Variants in CSMD1 observed in about 807,000 individuals in gnomAD.
The protein encoded by CSMD1 is CUB and Sushi multiple domains 1.
CSMD1 carries 213 observed loss-of-function variants against 417.5 expected under a neutral mutation model. That is an observed-to-expected ratio of 0.51 (90% confidence interval 0.46 to 0.57). CSMD1 has a LOEUF of 0.57. CSMD1 is among the 20% of genes least tolerant of loss of function. The pLI is 0.00. For missense variants in CSMD1, 6,923 were observed against 4,529.7 expected, an observed-to-expected ratio of 1.53 and a Z score of -15.17; for synonymous variants, 2,862 against 1,736.8, an observed-to-expected ratio of 1.65 and a Z score of -16.11.
At chr8:3,779,736 A>G (rs1405818424) in intron 5 of CSMD1, among the ~76,000 whole-genome samples, 5 of 152,246 alleles carry the variant, frequency 3.3e-5, no homozygotes, top group Admixed American at 2.6e-4. Flanking sequence ...ACATAAAATT[A>G]TATTTAAGTT....
At chr8:3,556,424 C>G (rs1469784174) in intron 10 of CSMD1, among the ~76,000 whole-genome samples, 1 of 84,728 alleles carries the variant, frequency 1.2e-5, no homozygotes, top group African/African-American at 4.2e-5. Flanking sequence ...TTCACACACA[C>G]AAAGAATTTA....
intron 27 of CSMD1, among the ~76,000 whole-genome samples, chr8:3,225,844 G>C (rs1298637407): frequency 1.3e-5 from 2 of 152,088 alleles, no homozygotes; most frequent in African/African-American, 2.4e-5. Flanking sequence ...GTTTTAATTA[G>C]CTTGCAAAAT....
intron 3 of CSMD1, among the ~76,000 whole-genome samples, chr8:4,077,377 T>C (rs1434869787): frequency 4.0e-5 from 6 of 148,746 alleles, no homozygotes; most frequent in African/African-American, 1.5e-4. Context: ...TATCTTTTAA[T>C]GGTTCCTCAG....
chr8:3,007,920 A>G (rs1808075915), intron 52 of CSMD1, among the ~76,000 whole-genome samples: 1 of 152,124 alleles, frequency 6.6e-6, no homozygotes, highest in Admixed American at 6.5e-5. Context: ...TTAAAGTATA[A>G]TAATAAAAGA....
chr8:4,893,783 C>A (rs1429314949), intron 1 of CSMD1, among the ~76,000 whole-genome samples: 1 of 152,104 alleles, frequency 6.6e-6, no homozygotes, highest in Non-Finnish European at 1.5e-5. Context: ...GCCAATGTCA[C>A]ATTGTTCAGA....
At chr8:4,915,892 G>A (rs1806032845) in intron 1 of CSMD1, among the ~76,000 whole-genome samples, 1 of 152,184 alleles carries the variant, frequency 6.6e-6, no homozygotes, top group Admixed American at 6.5e-5. Flanking sequence ...AGCCATAAGT[G>A]CCAGGCAGGA....
chr8:3,548,834 T>C (rs1172993436), intron 10 of CSMD1, among the ~76,000 whole-genome samples: 1 of 152,116 alleles, frequency 6.6e-6, no homozygotes. Flanking sequence ...CCACCCTTGC[T>C]AGGAGGGCAG....
intron 20 of CSMD1, 143 bp from the exon 21 acceptor site, chr8:3,359,483 G>C: frequency 1.6e-6 from 1 of 615,234 alleles, no homozygotes. Context: ...TAACTGTTAC[G>C]TGCATTTTTT....
intron 1 of CSMD1, among the ~76,000 whole-genome samples, chr8:4,770,703 C>T (rs1394696484): frequency 6.9e-6 from 1 of 143,976 alleles, no homozygotes; most frequent in Non-Finnish European, 1.5e-5. Context: ...AAAAAGGATA[C>T]AATGGGGAAA....
intron 36 of CSMD1, chr8:3,182,844 GTGTGTGTGTGTGTGTGT>G (rs1821467598): frequency 7.5e-5 from 5 of 66,432 alleles, no homozygotes; most frequent in Admixed American, 3.2e-4. Context: ...ATAAGAAGGT[GTGTGTGTGTGTGTGTGT>G]GTGTGTGTGT....
chr8:3,710,851 C>G (rs527414098), intron 6 of CSMD1, among the ~76,000 whole-genome samples: 3 of 152,166 alleles, frequency 2.0e-5, no homozygotes, highest in East Asian at 1.9e-4. Context: ...TCTTCCAGCC[C>G]CAAACTCCAA....
At chr8:3,848,145 G>T (rs113051954) in intron 5 of CSMD1, among the ~76,000 whole-genome samples, 15 of 151,998 alleles carry the variant, frequency 9.9e-5, no homozygotes, top group African/African-American at 1.9e-4. Flanking sequence ...TGTGACTGCT[G>T]TATGTGGTGG....
intron 48 of CSMD1, among the ~76,000 whole-genome samples, chr8:3,091,044 G>C (rs539059412): frequency 1.3e-5 from 2 of 151,840 alleles, no homozygotes; most frequent in South Asian, 2.1e-4. Flanking sequence ...TTATGTATAT[G>C]GTTATTTGTA....
At chr8:3,830,776 G>T (rs191416862) in intron 5 of CSMD1, among the ~76,000 whole-genome samples, 10 of 152,232 alleles carry the variant, frequency 6.6e-5, no homozygotes, top group African/African-American at 2.4e-4. Flanking sequence ...AAGATGAATG[G>T]ATATGCACGC....
chr8:4,551,606 C>G (rs1044833981), intron 2 of CSMD1, among the ~76,000 whole-genome samples: 1 of 152,158 alleles, frequency 6.6e-6, no homozygotes, highest in Non-Finnish European at 1.5e-5. Context: ...ATGCTGCCAT[C>G]AAATCCAGGC....
intron 1 of CSMD1, among the ~76,000 whole-genome samples, chr8:4,829,211 A>T (rs1002857289): frequency 7.9e-5 from 12 of 152,176 alleles, no homozygotes; most frequent in African/African-American, 2.9e-4. Context: ...AAGACTGCTC[A>T]AGTTGTTTAG....
chr8:3,213,681 G>C (rs201424184), intron 30 of CSMD1, among the ~76,000 whole-genome samples: 2 of 123,600 alleles, frequency 1.6e-5, no homozygotes, highest in African/African-American at 4.9e-5. Context: ...ATATATATGT[G>C]TGTGTGTATG....
intron 3 of CSMD1, among the ~76,000 whole-genome samples, chr8:4,384,945 G>C (rs935848184): frequency 1.3e-5 from 2 of 152,132 alleles, no homozygotes; most frequent in East Asian, 1.9e-4. Flanking sequence ...TTCACATCAG[G>C]AAATTTCCTC....
intron 12 of CSMD1, among the ~76,000 whole-genome samples, chr8:3,455,106 G>A (rs572040382): frequency 1.3e-5 from 2 of 152,196 alleles, no homozygotes; most frequent in East Asian, 1.9e-4. Flanking sequence ...GATCGAATCG[G>A]CTACTGAGGC....
Sources: allele counts gnomAD v4.1 joint callset (sites outside exome capture counted in the v4.1 genomes callset), GRCh38; gene constraint gnomAD v4.1.1; transcripts MANE v1.5; gene names NCBI Gene and HGNC (gene_info 2026-07-23, HGNC 2026-07-21).